The following ACER2 variants were observed in gnomAD, a reference collection of about 807,000 sequenced individuals.
ACER2 encodes alkCDase 2.
In ACER2, 26 loss-of-function variants were observed where a neutral mutation model predicts 34.7. That is an observed-to-expected ratio of 0.75 (90% CI 0.55 to 1.04). The LOEUF (loss-of-function observed/expected upper bound fraction) is 1.04, where lower values mean the gene tolerates loss of function less well. Among genes scored for constraint, ACER2 ranks in the 50% least tolerant of loss-of-function variants. The probability of loss-of-function intolerance (pLI) is 0.00; values close to 1 mark genes in which losing one functional copy is unlikely to be tolerated. For missense variants in ACER2, 352 were observed against 340.8 expected, an observed-to-expected ratio of 1.03 and a Z score of -0.26; for synonymous variants, 138 against 132.1, an observed-to-expected ratio of 1.04 and a Z score of -0.31.
intron 1 of ACER2, among the ~76,000 whole-genome samples, chr9:19,413,173 T>A (rs1830138636): frequency 6.6e-6 from 1 of 152,254 alleles, no homozygotes; most frequent in South Asian, 2.1e-4. Context: ...TATCATCCTT[T>A]GCTTCAGCCA....
At chr9:19,414,748 A>G (rs1175709807) in intron 1 of ACER2, among the ~76,000 whole-genome samples, 1 of 152,066 alleles carries the variant, frequency 6.6e-6, no homozygotes, top group Non-Finnish European at 1.5e-5. Context: ...TAATCTAACA[A>G]TAGGCTTTAA....
chr9:19,449,305 A>G (rs929431982), intron 5 of ACER2, among the ~76,000 whole-genome samples: 2 of 152,194 alleles, frequency 1.3e-5, no homozygotes, highest in African/African-American at 4.8e-5. Flanking sequence ...ATAACTATCA[A>G]CACGAGGCCA....
At chr9:19,437,377 AT>A (rs1831011086) in intron 4 of ACER2, among the ~76,000 whole-genome samples, 1 of 152,134 alleles carries the variant, frequency 6.6e-6, no homozygotes, top group South Asian at 2.1e-4. Flanking sequence ...TGGGTCCCTC[AT>A]CTCCTGCCAC....
At chr9:19,424,044 C>G in intron 2 of ACER2, 68 bp downstream of exon 2, 2 of 1,235,486 alleles carry the variant, frequency 1.6e-6, no homozygotes, top group Non-Finnish European at 2.4e-6. Flanking sequence ...GAATTCCACA[C>G]ACTTCCTCTC....
At chr9:19,437,509 C>T (rs543139092) in intron 4 of ACER2, among the ~76,000 whole-genome samples, 4 of 152,254 alleles carry the variant, frequency 2.6e-5, no homozygotes, top group Admixed American at 2.0e-4. Flanking sequence ...GCTTTCTAAC[C>T]AGTCTCTTCT....
chr9:19,422,925 G>C (rs982905364), intron 1 of ACER2, among the ~76,000 whole-genome samples: 1 of 151,412 alleles, frequency 6.6e-6, no homozygotes, highest in Admixed American at 6.6e-5. Flanking sequence ...CCAACTACTC[G>C]GGAGGCTGAG....
chr9:19,409,060 G>C lies in ACER2; in HGVS notation c.-25G>C. On this transcript the variant is annotated 5_prime_UTR_variant, in exon 1 of 6. Transcript: ENST00000340967. The stretch of plus-strand genomic sequence containing the variant: ...TGGGCTCTTCTCAGCTGCGCGAGCA[G>C]CTGCTCCAATGCCCCGGAGTGGCCA... 1 of 1,550,834 alleles carries C rather than the reference G, an allele frequency of 6.4e-7. No homozygotes were observed. The highest frequency in any genetic ancestry group is 8.7e-7 in the Non-Finnish European group (1 of 1,148,318).
At position 19,409,153 on chromosome 9, in the gene ACER2, C is replaced by G. The variant is rs1453845014; in HGVS notation, c.69C>G (p.Asn23Lys). The part of the protein sequence containing the change: ...GSSEVDWCED[N>K]YTIVPAIAEF... ...CGGAGGTGGACTGGTGCGAGGACAACTACACCATCGTGCCTGCTATCGCCG... is the reference window on the plus strand; with the variant it reads ...CGGAGGTGGACTGGTGCGAGGACAAGTACACCATCGTGCCTGCTATCGCCG... The change falls in exon 1 of 6, where the codon AAC (asparagine) becomes AAG (lysine). Residue 23 changes from asparagine (N) to lysine (K), a missense_variant. Coordinates refer to ENST00000340967, the MANE Select transcript of ACER2 (RefSeq NM_001010887.3). The G allele has an allele frequency of 5.6e-6, 9 of 1,606,902 alleles. No individual in the cohort carries two copies. Among genetic ancestry groups the G allele is most frequent in the Non-Finnish European group, 7.6e-6 (9 of 1,177,234 alleles).
intron 1 of ACER2, among the ~76,000 whole-genome samples, chr9:19,413,801 A>T (rs1830159695): frequency 6.6e-6 from 1 of 152,058 alleles, no homozygotes; most frequent in South Asian, 2.1e-4. Flanking sequence ...TCAGCTCATG[A>T]TCTGTCACTT....
intron 1 of ACER2, among the ~76,000 whole-genome samples, chr9:19,422,101 T>G (rs886086264): frequency 1.3e-5 from 2 of 148,460 alleles, no homozygotes; most frequent in African/African-American, 5.0e-5. Context: ...CTGGGCAACA[T>G]AGTGAGACCA....
chr9:19,441,251 A>T (rs560489476), intron 4 of ACER2, among the ~76,000 whole-genome samples: 1 of 152,108 alleles, frequency 6.6e-6, no homozygotes, highest in African/African-American at 2.4e-5. Flanking sequence ...GGGTTTCACC[A>T]TGTTAGCCAG....
intron 1 of ACER2, 23 bp downstream of exon 1, chr9:19,409,215 A>C (rs1479931652): frequency 3.2e-6 from 5 of 1,561,574 alleles, no homozygotes; most frequent in African/African-American, 1.4e-5. Flanking sequence ...GGAGCGGGGA[A>C]GGCAGGCGGG....
At chr9:19,411,773 G>A (rs76750869) in intron 1 of ACER2, among the ~76,000 whole-genome samples, 2 of 152,292 alleles carry the variant, frequency 1.3e-5, no homozygotes, top group African/African-American at 2.4e-5. Context: ...GGAGAAGACC[G>A]GGAGAGGGAT....
chr9:19,434,172 A>C (rs1830867972), intron 3 of ACER2, among the ~76,000 whole-genome samples: 4 of 138,188 alleles, frequency 2.9e-5, no homozygotes, highest in African/African-American at 1.1e-4. Context: ...ATCCCAGATG[A>C]TGGGCGGCCG....
intron 4 of ACER2, among the ~76,000 whole-genome samples, chr9:19,442,357 G>C (rs1024388274): frequency 2.0e-5 from 3 of 152,172 alleles, no homozygotes; most frequent in East Asian, 3.8e-4. Flanking sequence ...TTGATATTTT[G>C]ATAAAAGCCC....
At chr9:19,435,132 A>G in intron 4 of ACER2, 48 bp downstream of exon 4, 1 of 1,605,102 alleles carries the variant, frequency 6.2e-7, no homozygotes, top group East Asian at 2.2e-5. Flanking sequence ...CGTGCTGGGA[A>G]CACACCAGTT....
chr9:19,434,610 A>G (rs1302128077), intron 3 of ACER2, among the ~76,000 whole-genome samples: 1 of 152,212 alleles, frequency 6.6e-6, no homozygotes, highest in Non-Finnish European at 1.5e-5. Context: ...GTCTCCACCA[A>G]AAAAATACGA....
intron 3 of ACER2, among the ~76,000 whole-genome samples, chr9:19,425,564 T>C (rs1321031931): frequency 1.3e-5 from 2 of 152,214 alleles, no homozygotes; most frequent in East Asian, 1.9e-4. Flanking sequence ...GTTGGGGAGA[T>C]TACAAATCAA....
At chr9:19,434,176 G>T (rs1279035005) in intron 3 of ACER2, among the ~76,000 whole-genome samples, 2 of 151,136 alleles carry the variant, frequency 1.3e-5, no homozygotes, top group African/African-American at 4.9e-5. Context: ...CAGATGATGG[G>T]CGGCCGGGCA....
Sources: gnomAD v4.1 joint callset for allele counts (sites outside exome capture counted in the v4.1 genomes callset) on GRCh38, gnomAD v4.1.1 for gene constraint, MANE v1.5 for transcripts, NCBI Gene and HGNC (gene_info 2026-07-23, HGNC 2026-07-21) for gene names.